Variants in CAMK4 observed in about 807,000 individuals in gnomAD.
The protein encoded by CAMK4 is calcium/calmodulin dependent protein kinase IV, also known as calcium/calmodulin-dependent protein kinase type IV.
CAMK4 carries 22 observed loss-of-function variants against 44.9 expected under a neutral mutation model. That is an observed-to-expected ratio of 0.49 (90% CI 0.35 to 0.70). The LOEUF (loss-of-function observed/expected upper bound fraction) is 0.70, where lower values mean the gene tolerates loss of function less well. Among genes scored for constraint, CAMK4 ranks in the 30% least tolerant of loss-of-function variants. The probability of loss-of-function intolerance (pLI) is 0.01; values close to 1 mark genes in which losing one functional copy is unlikely to be tolerated. For synonymous variants in CAMK4, 218 were observed against 215.4 expected, an observed-to-expected ratio of 1.01 and a Z score of -0.11; for missense variants, 498 against 586.8, an observed-to-expected ratio of 0.85 and a Z score of 1.56.
intron 1 of CAMK4, among the ~76,000 whole-genome samples, chr5:111,252,524 G>T (rs1394001536): frequency 6.6e-6 from 1 of 152,054 alleles, no homozygotes; most frequent in East Asian, 1.9e-4. Context: ...GTGGTTGCTG[G>T]TAGAGTTAGT....
chr5:111,430,443 G>C (rs1057163543), intron 5 of CAMK4, among the ~76,000 whole-genome samples: 30 of 152,160 alleles, frequency 2.0e-4, no homozygotes, highest in Non-Finnish European at 3.8e-4. Context: ...ATTTAACATA[G>C]TACTGGCAGC....
intron 1 of CAMK4, among the ~76,000 whole-genome samples, chr5:111,228,628 T>C (rs1748316866): frequency 6.8e-6 from 1 of 147,680 alleles, no homozygotes; most frequent in South Asian, 2.1e-4. Flanking sequence ...TATATGCTGT[T>C]TGATTTCATC....
chr5:111,433,207 A>G (rs1321590388), intron 5 of CAMK4, among the ~76,000 whole-genome samples: 1 of 152,210 alleles, frequency 6.6e-6, no homozygotes, highest in Non-Finnish European at 1.5e-5. Context: ...ACTGCTCCAT[A>G]ACATCTAGAG....
At chr5:111,348,640 C>CA (rs1189226300) in intron 2 of CAMK4, among the ~76,000 whole-genome samples, 8 of 151,238 alleles carry the variant, frequency 5.3e-5, no homozygotes, top group Non-Finnish European at 1.0e-4. Flanking sequence ...TAAACAACAA[C>CA]AAAAAAAATG....
chr5:111,460,814 G>A (rs924152666), intron 7 of CAMK4, among the ~76,000 whole-genome samples: 4 of 151,982 alleles, frequency 2.6e-5, no homozygotes, highest in African/African-American at 9.7e-5. Context: ...GAATTTCACA[G>A]AAAAGCAAAT....
chr5:111,333,407 GAAGC>G (rs1175732620), intron 1 of CAMK4, among the ~76,000 whole-genome samples: 1 of 124,068 alleles, frequency 8.1e-6, no homozygotes, highest in Non-Finnish European at 1.9e-5. Flanking sequence ...AAAATATTTT[GAAGC>G]AAACAAAGAG....
At chr5:111,436,087 C>T (rs944782899) in intron 5 of CAMK4, among the ~76,000 whole-genome samples, 2 of 152,038 alleles carry the variant, frequency 1.3e-5, no homozygotes, top group African/African-American at 2.4e-5. Context: ...AATAACCATT[C>T]ACTTAATAAG....
chr5:111,346,459 C>T (rs1190378509), intron 2 of CAMK4, among the ~76,000 whole-genome samples: 1 of 146,052 alleles, frequency 6.8e-6, no homozygotes, highest in African/African-American at 2.5e-5. Context: ...ATGACTAGCC[C>T]TAAGCCCAAG....
Position 111,478,518 on chromosome 5 carries a change from C to A in CAMK4, c.828+11C>A. ...AATGCCAAGGACTTGGTAAGTGTAA[C>A]CAAAACAAAATGAAACAAAATGAAA... is the stretch of plus-strand genomic sequence containing the variant. On this transcript the variant is annotated intron_variant, in intron 9 of 10. Transcript: ENST00000282356. 7.1e-7 allele frequency: 1 copy of A among 1,415,652 alleles called. No individual in the cohort carries two copies. The highest frequency in any genetic ancestry group is 9.6e-7 in the Non-Finnish European group (1 of 1,044,350). 87.7% of individuals were successfully genotyped at this position (1,415,652 alleles called of 1,614,324 possible).
intron 10 of CAMK4, among the ~76,000 whole-genome samples, chr5:111,483,419 G>A (rs1036877039): frequency 4.6e-5 from 7 of 152,072 alleles, no homozygotes; most frequent in East Asian, 3.9e-4. Context: ...AGTACCTATC[G>A]AATAGAGATT....
rs1320601892 is a variant in CAMK4 at position 111,326,852 on chromosome 5, A to C, written c.162-17172A>C. On this transcript the variant is annotated intron_variant, in intron 1 of 10. Coordinates refer to ENST00000282356, the MANE Select transcript of CAMK4 (RefSeq NM_001744.6). ...TACTTAATAAATTATTATGTAATTA[A>C]TATTAAATAGGGTTGTGCATGGACC... is the stretch of plus-strand genomic sequence containing the variant. 3.3e-5 allele frequency among the ~76,000 whole-genome samples: 5 copies of C among 152,042 alleles called. No homozygotes were observed. In the South Asian group the frequency reaches 6.2e-4, roughly 19 times the overall value.
chr5:111,363,066 C>G (rs189020106), intron 2 of CAMK4, among the ~76,000 whole-genome samples: 1 of 152,034 alleles, frequency 6.6e-6, no homozygotes, highest in Non-Finnish European at 1.5e-5. Flanking sequence ...AGCTCTATAG[C>G]CTGAAATGGG....
chr5:111,338,659 G>A (rs1011512705), intron 1 of CAMK4, among the ~76,000 whole-genome samples: 3 of 151,100 alleles, frequency 2.0e-5, no homozygotes, highest in African/African-American at 7.2e-5. Flanking sequence ...GAAAGGGAGG[G>A]TCCAGTTTCT....
Position 111,450,187 on chromosome 5 carries a change from A to AG in CAMK4, c.625+986dup, listed in dbSNP as rs536934992. On this transcript the variant is annotated intron_variant, in intron 7 of 10. Coordinates refer to ENST00000282356, the MANE Select transcript of CAMK4 (RefSeq NM_001744.6). ...AAAATAAATAAAATAAAAATTAGCC[A>AG]GGTATGATGGTGCACACCATAATCC... 1.4e-4 allele frequency among the ~76,000 whole-genome samples: 22 copies of AG among 152,166 alleles called. No individual in the cohort carries two copies. The East Asian group carries it at 3.9e-3, about 27-fold the overall frequency.
At chr5:111,379,582 A>T (rs1032064484) in intron 4 of CAMK4, among the ~76,000 whole-genome samples, 3 of 152,138 alleles carry the variant, frequency 2.0e-5, no homozygotes, top group African/African-American at 7.2e-5. Context: ...TATCAAGCTG[A>T]AAATACATTC....
chr5:111,459,183 A>G (rs908712007), intron 7 of CAMK4, among the ~76,000 whole-genome samples: 1 of 152,176 alleles, frequency 6.6e-6, no homozygotes, highest in South Asian at 2.1e-4. Context: ...CAGCAACACC[A>G]TCATTAGTAG....
chr5:111,398,830 A>G (rs1038573541), intron 5 of CAMK4, among the ~76,000 whole-genome samples: 47 of 152,098 alleles, frequency 3.1e-4, no homozygotes, highest in African/African-American at 1.0e-3. Flanking sequence ...CCTAGAATTC[A>G]CCTCACGTCC....
At chr5:111,333,448 T>C (rs1335575218) in intron 1 of CAMK4, among the ~76,000 whole-genome samples, 1 of 151,722 alleles carries the variant, frequency 6.6e-6, no homozygotes. Context: ...TAAGACCCTT[T>C]ATTCCATAGT....
intron 2 of CAMK4, among the ~76,000 whole-genome samples, chr5:111,366,645 C>G (rs1332726017): frequency 1.3e-5 from 2 of 152,070 alleles, no homozygotes; most frequent in African/African-American, 4.8e-5. Context: ...TGCTGCATAT[C>G]TTAGTGAAGG....
Sources: allele counts gnomAD v4.1 joint callset (sites outside exome capture counted in the v4.1 genomes callset), GRCh38; gene constraint gnomAD v4.1.1; transcripts MANE v1.5; gene names NCBI Gene and HGNC (gene_info 2026-07-23, HGNC 2026-07-21).